SLC25A13: variants seen among roughly 807,000 people sequenced by gnomAD.
SLC25A13 encodes electrogenic aspartate/glutamate antiporter SLC25A13, mitochondrial.
A neutral mutation model predicts 85.5 loss-of-function variants in SLC25A13; 70 were observed. That is an observed-to-expected ratio of 0.82 (90% CI 0.68 to 1.00). SLC25A13 has a LOEUF of 1.00. Among genes scored for constraint, SLC25A13 ranks in the 50% least tolerant of loss-of-function variants. SLC25A13 has a pLI of 0.00. For missense variants in SLC25A13, 765 were observed against 819.8 expected, an observed-to-expected ratio of 0.93 and a Z score of 0.82; for synonymous variants, 259 against 288.7, an observed-to-expected ratio of 0.90 and a Z score of 1.04.
intron 13 of SLC25A13, among the ~76,000 whole-genome samples, chr7:96,157,305 T>C (rs904766444): frequency 6.6e-6 from 1 of 152,102 alleles, no homozygotes; most frequent in African/African-American, 2.4e-5. Flanking sequence ...TTCTCTGAAA[T>C]GGGCTAGTCT....
At chr7:96,168,447 A>G (rs1240074599) in intron 13 of SLC25A13, among the ~76,000 whole-genome samples, 1 of 152,174 alleles carries the variant, frequency 6.6e-6, no homozygotes, top group African/African-American at 2.4e-5. Flanking sequence ...ATCTCTTTAC[A>G]TAACTAGGCA....
intron 2 of SLC25A13, among the ~76,000 whole-genome samples, chr7:96,286,029 A>C (rs998340577): frequency 2.0e-5 from 3 of 152,182 alleles, no homozygotes; most frequent in African/African-American, 7.2e-5. Context: ...TCATGCCTGT[A>C]ATCCCAGCAC....
At chr7:96,254,505 A>G (rs1797551289) in intron 3 of SLC25A13, among the ~76,000 whole-genome samples, 1 of 152,182 alleles carries the variant, frequency 6.6e-6, no homozygotes, top group South Asian at 2.1e-4. Flanking sequence ...AAATGTCTTC[A>G]TTTATTATTT....
At chr7:96,307,246 T>C (rs1799780489) in intron 1 of SLC25A13, among the ~76,000 whole-genome samples, 1 of 152,232 alleles carries the variant, frequency 6.6e-6, no homozygotes, top group African/African-American at 2.4e-5. Flanking sequence ...ATACGGGAAA[T>C]GTGTACAATG....
chr7:96,124,657 A>G (rs1164593212), intron 15 of SLC25A13, among the ~76,000 whole-genome samples: 1 of 152,162 alleles, frequency 6.6e-6, no homozygotes, highest in Non-Finnish European at 1.5e-5. Context: ...TCACTGTTTT[A>G]TGAAACTTCA....
chr7:96,147,388 T>A (rs1427272057), intron 13 of SLC25A13, among the ~76,000 whole-genome samples: 1 of 152,212 alleles, frequency 6.6e-6, no homozygotes, highest in Middle Eastern at 3.2e-3. Context: ...ATGCACTAAG[T>A]CAATTACCAA....
At chr7:96,126,415 T>G (rs1330771159) in intron 15 of SLC25A13, among the ~76,000 whole-genome samples, 1 of 152,200 alleles carries the variant, frequency 6.6e-6, no homozygotes, top group African/African-American at 2.4e-5. Context: ...TCTAGGGAAG[T>G]GGTCTCTTTC....
At position 96,120,236 on chromosome 7, in the gene SLC25A13, T is replaced by C. The variant is rs1403300769; in HGVS notation, c.*955A>G. 2.2e-6 allele frequency: 1 copy of C among 450,392 alleles called. No homozygotes were observed. The highest frequency in any genetic ancestry group is 1.6e-5 in the South Asian group (1 of 64,252). 27.9% of individuals were successfully genotyped at this position (450,392 alleles called of 1,614,324 possible). A position where few individuals can be genotyped will look rare whatever the true frequency, so the allele number is the denominator to read the frequency against. ...ACAACTCAATCACTTTACAAATAGT[T>C]TATTTCCACCTTCACAAATTCATGC... On this transcript the variant is annotated 3_prime_UTR_variant, in exon 18 of 18. Coordinates refer to ENST00000265631, the MANE Select transcript of SLC25A13 (RefSeq NM_014251.3).
At chr7:96,151,299 T>TTC (rs1793033540) in intron 13 of SLC25A13, among the ~76,000 whole-genome samples, 1 of 151,856 alleles carries the variant, frequency 6.6e-6, no homozygotes, top group South Asian at 2.1e-4. Context: ...GTGGTAAGAG[T>TTC]TCTATAAGAA....
intron 4 of SLC25A13, among the ~76,000 whole-genome samples, chr7:96,220,783 ACACATGCACACACAAACACACAGGTG>A (rs1396273507): frequency 6.6e-6 from 1 of 152,084 alleles, no homozygotes. Context: ...ATACACACAC[ACACATGCACACACAAACACACAGGTG>A]CACATGCACA....
At chr7:96,128,076 A>G (rs1011211853) in intron 15 of SLC25A13, among the ~76,000 whole-genome samples, 1 of 152,202 alleles carries the variant, frequency 6.6e-6, no homozygotes, top group Admixed American at 6.5e-5. Flanking sequence ...CTGCCTGAGC[A>G]TCTCAGCAAG....
chr7:96,199,590 C>T (rs1795180241), intron 5 of SLC25A13, among the ~76,000 whole-genome samples: 2 of 152,180 alleles, frequency 1.3e-5, no homozygotes, highest in African/African-American at 4.8e-5. Flanking sequence ...AGCAGGAGTT[C>T]TGCAGCTATC....
intron 3 of SLC25A13, among the ~76,000 whole-genome samples, chr7:96,258,559 A>T (rs1459913777): frequency 6.6e-6 from 1 of 152,194 alleles, no homozygotes; most frequent in East Asian, 1.9e-4. Flanking sequence ...TCAAGAAAAT[A>T]AGAGAGGACA....
At chr7:96,127,705 A>C (rs1188783548) in intron 15 of SLC25A13, among the ~76,000 whole-genome samples, 1 of 152,240 alleles carries the variant, frequency 6.6e-6, no homozygotes, top group East Asian at 1.9e-4. Flanking sequence ...TAAGTGATCA[A>C]TTTAAATATG....
At chr7:96,225,910 G>C (rs985813392) in intron 4 of SLC25A13, among the ~76,000 whole-genome samples, 1 of 151,994 alleles carries the variant, frequency 6.6e-6, no homozygotes, top group Non-Finnish European at 1.5e-5. Context: ...CTTAGAACCC[G>C]GGAAATGGCT....
chr7:96,264,380 C>A (rs1271726837), intron 3 of SLC25A13, among the ~76,000 whole-genome samples: 7 of 152,194 alleles, frequency 4.6e-5, no homozygotes, highest in Non-Finnish European at 7.3e-5. Flanking sequence ...ATACCTCAAC[C>A]TGCACCTCCA....
intron 8 of SLC25A13, 100 bp downstream of exon 8, chr7:96,189,481 T>G (rs1220116613): frequency 2.6e-6 from 4 of 1,524,448 alleles, no homozygotes; most frequent in Non-Finnish European, 2.7e-6. Flanking sequence ...TATTTCAGTA[T>G]AGCCTTCAGT....
intron 11 of SLC25A13, among the ~76,000 whole-genome samples, chr7:96,172,971 C>T (rs1174822885): frequency 1.3e-5 from 2 of 152,148 alleles, no homozygotes; most frequent in African/African-American, 4.8e-5. Flanking sequence ...TGTTAGCCAG[C>T]ATGGTCTCCA....
At chr7:96,186,134 C>G (rs1794635133) in intron 9 of SLC25A13, among the ~76,000 whole-genome samples, 1 of 152,040 alleles carries the variant, frequency 6.6e-6, no homozygotes, top group Admixed American at 6.6e-5. Flanking sequence ...TACATAACCT[C>G]TGAAGTTAGA....
Sources: gnomAD v4.1 joint callset for allele counts (sites outside exome capture counted in the v4.1 genomes callset) on GRCh38, gnomAD v4.1.1 for gene constraint, MANE v1.5 for transcripts, NCBI Gene and HGNC (gene_info 2026-07-23, HGNC 2026-07-21) for gene names.